TAMM41: variants seen among roughly 807,000 people sequenced by gnomAD.
TAMM41 encodes the protein TAM41 mitochondrial translocator assembly and maintenance homolog, also known as phosphatidate cytidylyltransferase, mitochondrial.
A neutral mutation model predicts 44.1 loss-of-function variants in TAMM41; 36 were observed. The ratio of observed to expected loss-of-function variants is 0.82; its 90% CI spans 0.63 to 1.08. The LOEUF is 1.08. Among genes scored for constraint, TAMM41 ranks in the 50% least tolerant of loss-of-function variants. TAMM41 has a pLI of 0.00. For synonymous variants in TAMM41, 164 were observed against 153.1 expected (o/e 1.07, Z -0.53); for missense variants, 417 against 404.3 (o/e 1.03, Z -0.27).
At chr3:11,779,371 G>A in the TAMM41 span, among the ~76,000 whole-genome samples, 2 of 152,154 alleles carry the variant, frequency 1.3e-5, no homozygotes, top group African/African-American at 4.8e-5. Flanking sequence ...AGGTCGTGCA[G>A]GAACTATGAG....
chr3:11,731,102 A>G, the TAMM41 span, among the ~76,000 whole-genome samples: 1 of 152,276 alleles, frequency 6.6e-6, no homozygotes, highest in Non-Finnish European at 1.5e-5. Flanking sequence ...AAGTCATGTG[A>G]GCCCCTACTG....
At position 11,846,583 on chromosome 3, in the gene TAMM41, A is replaced by G; in HGVS notation, c.54T>C (p.Ser18=). The G allele has an allele frequency of 6.2e-7, 1 of 1,614,200 alleles. No individual in the cohort carries two copies. The highest frequency in any genetic ancestry group is 8.5e-7 in the Non-Finnish European group (1 of 1,180,046). Reference sequence around the variant, plus strand: ...CCAGACTCAGCTCCTCGGGGAAGTGAGACAGGATCTTGCGGAAGGTCACCC... The same window carrying G: ...CCAGACTCAGCTCCTCGGGGAAGTGGGACAGGATCTTGCGGAAGGTCACCC... The part of the protein sequence containing the change: ...SSWVTFRKIL[S]HFPEELSLAF... Residue 18 remains serine, a synonymous_variant, in exon 1 of 8, where the codon TCT becomes TCC. Coordinates refer to ENST00000455809, the MANE Select transcript of TAMM41 (RefSeq NM_001284401.2).
chr3:11,787,820 AC>A (rs2077425886), downstream of TAMM41, among the ~76,000 whole-genome samples: 1 of 152,220 alleles, frequency 6.6e-6, no homozygotes, highest in South Asian at 2.1e-4. Flanking sequence ...TCCAGGTGTG[AC>A]ACCAAAGTAC....
At chr3:11,726,800 CAAAA>C in the TAMM41 span, among the ~76,000 whole-genome samples, 217 of 93,090 alleles carry the variant, frequency 2.3e-3, 1 homozygote, top group African/African-American at 6.7e-3. Flanking sequence ...GACTCTGTCT[CAAAA>C]AAAAAAAAAA....
the TAMM41 span, among the ~76,000 whole-genome samples, chr3:11,745,432 C>T: frequency 4.8e-3 from 723 of 152,206 alleles, 6 homozygotes; most frequent in African/African-American, 0.017. Flanking sequence ...AAAGCAAATG[C>T]GCATTGATAA....
At chr3:11,743,264 T>A in the TAMM41 span, among the ~76,000 whole-genome samples, 1 of 152,002 alleles carries the variant, frequency 6.6e-6, no homozygotes, top group Admixed American at 6.6e-5. Flanking sequence ...GTTTGGGCAT[T>A]GTTTCTGGTC....
intron 7 of TAMM41, among the ~76,000 whole-genome samples, chr3:11,796,708 T>A (rs1305660798): frequency 6.6e-6 from 1 of 152,104 alleles, no homozygotes; most frequent in African/African-American, 2.4e-5. Context: ...CCTAAAAAAG[T>A]AAGGCAGAAC....
At chr3:11,785,498 G>T (rs1381316382), downstream of TAMM41, among the ~76,000 whole-genome samples, 1 of 152,108 alleles carries the variant, frequency 6.6e-6, no homozygotes, top group African/African-American at 2.4e-5. Flanking sequence ...GCTAAGTTTT[G>T]TATTTTTAGT....
At chr3:11,744,061 A>C in the TAMM41 span, among the ~76,000 whole-genome samples, 3 of 152,100 alleles carry the variant, frequency 2.0e-5, no homozygotes, top group African/African-American at 7.2e-5. Context: ...AGTAACACTT[A>C]AAATTTTTTA....
intron 7 of TAMM41, among the ~76,000 whole-genome samples, chr3:11,791,296 G>A (rs1214309778): frequency 6.6e-6 from 1 of 152,178 alleles, no homozygotes; most frequent in African/African-American, 2.4e-5. Context: ...TGCCTCATTC[G>A]GAGAGCTGGC....
chr3:11,787,645 G>C (rs114621819), downstream of TAMM41, among the ~76,000 whole-genome samples: 1 of 152,174 alleles, frequency 6.6e-6, no homozygotes, highest in South Asian at 2.1e-4. Context: ...ATACTATCAT[G>C]ATGTGCCAAG....
intron 4 of TAMM41, among the ~76,000 whole-genome samples, chr3:11,826,143 G>A (rs1390412038): frequency 6.6e-6 from 1 of 152,088 alleles, no homozygotes; most frequent in Non-Finnish European, 1.5e-5. Context: ...GCAAATAACA[G>A]TTTCTCAACC....
At chr3:11,785,209 T>C in the TAMM41 span, among the ~76,000 whole-genome samples, 4 of 152,076 alleles carry the variant, frequency 2.6e-5, no homozygotes, top group African/African-American at 9.7e-5. Context: ...TCTATTAGGT[T>C]TTGCTGATTG....
At chr3:11,803,954 G>A (rs757426047) in intron 7 of TAMM41, among the ~76,000 whole-genome samples, 12 of 152,126 alleles carry the variant, frequency 7.9e-5, no homozygotes, top group Non-Finnish European at 1.6e-4. Flanking sequence ...AGGAGATGAG[G>A]GTTGGAAAAT....
At chr3:11,785,561 TCATCCACCTACCTCGG>T (rs1489683055), downstream of TAMM41, among the ~76,000 whole-genome samples, 1 of 152,140 alleles carries the variant, frequency 6.6e-6, no homozygotes. Flanking sequence ...CTTGACCTCG[TCATCCACCTACCTCGG>T]CCTCCCAAAA....
At chr3:11,742,589 C>CTT in the TAMM41 span, among the ~76,000 whole-genome samples, 12 of 135,758 alleles carry the variant, frequency 8.8e-5, no homozygotes, top group African/African-American at 1.4e-4. Context: ...CCATCGCTTG[C>CTT]TTTTTTTTTT....
At chr3:11,742,895 G>A in the TAMM41 span, among the ~76,000 whole-genome samples, 1 of 151,970 alleles carries the variant, frequency 6.6e-6, no homozygotes, top group African/African-American at 2.4e-5. Flanking sequence ...TGTGCTCAGC[G>A]ACCCAGTGCT....
At chr3:11,804,480 GAAAGGGAATTTTTTAAA>G (rs1390798738) in intron 7 of TAMM41, among the ~76,000 whole-genome samples, 1 of 152,168 alleles carries the variant, frequency 6.6e-6, no homozygotes, top group East Asian at 1.9e-4. Context: ...ATCTCTAAAA[GAAAGGGAATTTTTTAAA>G]AAGCTCCATA....
downstream of TAMM41, among the ~76,000 whole-genome samples, chr3:11,788,505 T>A (rs1254032454): frequency 6.6e-6 from 1 of 152,116 alleles, no homozygotes; most frequent in Non-Finnish European, 1.5e-5. Flanking sequence ...CCCAAGCTGC[T>A]CTTGAATTCC....
Sources: allele counts gnomAD v4.1 joint callset (sites outside exome capture counted in the v4.1 genomes callset), GRCh38; gene constraint gnomAD v4.1.1; transcripts MANE v1.5; gene names NCBI Gene and HGNC (gene_info 2026-07-23, HGNC 2026-07-21).